PTPN4: variants seen among roughly 807,000 people sequenced by gnomAD.
PTPN4 encodes the protein protein tyrosine phosphatase non-receptor type 4.
A neutral mutation model predicts 135.5 loss-of-function variants in PTPN4; 49 were observed. That is an observed-to-expected ratio of 0.36 (90% CI 0.29 to 0.46). The LOEUF (loss-of-function observed/expected upper bound fraction) is 0.46, where lower values mean the gene tolerates loss of function less well. Among genes scored for constraint, PTPN4 ranks in the 20% least tolerant of loss-of-function variants. The pLI is 1.00. For synonymous variants in PTPN4, 333 were observed against 369.9 expected, an observed-to-expected ratio of 0.90 and a Z score of 1.14; for missense variants, 860 against 1,101.0, an observed-to-expected ratio of 0.78 and a Z score of 3.10.
intron 16 of PTPN4, among the ~76,000 whole-genome samples, chr2:119,945,728 C>T (rs1215181905): frequency 6.6e-6 from 1 of 151,994 alleles, no homozygotes; most frequent in Non-Finnish European, 1.5e-5. Context: ...TGTCAAGAGA[C>T]AGTAAGTAGA....
At position 119,845,231 on chromosome 2, in the gene PTPN4, GGGGAGA is replaced by G. The variant is rs1157744675; in HGVS notation, c.139-17295_139-17290del. Among the ~76,000 whole-genome samples the G allele has an allele frequency of 4.0e-3, 376 of 93,604 alleles. 5 individuals carry two copies. The highest frequency in any genetic ancestry group is 0.012 in the African/African-American group (282 of 23,108). The allele number at this position is 93,604 out of a possible 152,430, so 61.4% of individuals were successfully genotyped here. A position where few individuals can be genotyped will look rare whatever the true frequency, so the allele number is the denominator to read the frequency against. ...CGGCTCCGCATGAGAGGGAGACCGTGGGGAGAGGGAGAGGGGGAGGGGGAGGGGGAG... is the reference window on the plus strand; with the variant it reads ...CGGCTCCGCATGAGAGGGAGACCGTGGGGAGAGGGGGAGGGGGAGGGGGAG... On this transcript the variant is annotated intron_variant, in intron 2 of 26. Transcript: ENST00000263708.
chr2:119,847,763 G>A (rs190249338), intron 2 of PTPN4, among the ~76,000 whole-genome samples: 1 of 152,248 alleles, frequency 6.6e-6, no homozygotes, highest in East Asian at 1.9e-4. Context: ...AGGTGGATCT[G>A]CTGGCAACAA....
chr2:119,926,527 A>G, intron 12 of PTPN4, 71 bp from the exon 13 acceptor site: 1 of 1,030,760 alleles, frequency 9.7e-7, no homozygotes, highest in Non-Finnish European at 1.4e-6. Context: ...CACTATAATC[A>G]TGTTATGTGT....
intron 1 of PTPN4, among the ~76,000 whole-genome samples, chr2:119,786,258 C>T (rs758058806): frequency 6.6e-6 from 1 of 152,082 alleles, no homozygotes; most frequent in Non-Finnish European, 1.5e-5. Flanking sequence ...AATTATGACT[C>T]GTATTTTTTG....
chr2:119,865,822 A>G (rs1677826489), intron 3 of PTPN4, among the ~76,000 whole-genome samples: 1 of 152,098 alleles, frequency 6.6e-6, no homozygotes, highest in South Asian at 2.1e-4. Flanking sequence ...GTTGCCTTAG[A>G]CATTGAAATT....
Position 119,852,659 on chromosome 2 carries a change from TCCTGTATTC to T in PTPN4, c.139-9873_139-9865del, listed in dbSNP as rs1377329360. On this transcript the variant is annotated intron_variant, in intron 2 of 26. Coordinates refer to ENST00000263708, the MANE Select transcript of PTPN4 (RefSeq NM_002830.4). The stretch of plus-strand genomic sequence containing the variant: ...TTCAAATACTTAGATTTCTGCTCTT[TCCTGTATTC>T]CCTAATTTTGGTTTATTTTCTCTTT... 2.6e-5 allele frequency among the ~76,000 whole-genome samples: 4 copies of T among 152,192 alleles called. No homozygotes were observed. In the South Asian group the frequency reaches 8.3e-4, roughly 31 times the overall value.
chr2:119,763,842 G>A (rs1295270553), intron 1 of PTPN4, among the ~76,000 whole-genome samples: 1 of 152,154 alleles, frequency 6.6e-6, no homozygotes, highest in Non-Finnish European at 1.5e-5. Context: ...AGTAGCTATA[G>A]TATTGGAGAG....
intron 1 of PTPN4, among the ~76,000 whole-genome samples, chr2:119,799,011 C>G (rs994068634): frequency 6.6e-6 from 1 of 152,178 alleles, no homozygotes; most frequent in Non-Finnish European, 1.5e-5. Context: ...CGGCTTCTCT[C>G]TGATCCAGTA....
intron 9 of PTPN4, 89 bp downstream of exon 9, chr2:119,885,971 A>T: frequency 1.2e-6 from 1 of 867,938 alleles, no homozygotes; most frequent in Non-Finnish European, 1.7e-6. Flanking sequence ...AAATGGAATA[A>T]GTTATGATTG....
chr2:119,830,700 T>G (rs1677206784), intron 2 of PTPN4, among the ~76,000 whole-genome samples: 1 of 152,106 alleles, frequency 6.6e-6, no homozygotes, highest in Non-Finnish European at 1.5e-5. Flanking sequence ...GCTCCTGACC[T>G]CAAGTGAGCC....
intron 12 of PTPN4, among the ~76,000 whole-genome samples, 159 bp from the exon 13 acceptor site, chr2:119,926,439 A>G (rs1182831504): frequency 2.0e-5 from 3 of 152,230 alleles, no homozygotes; most frequent in Admixed American, 6.5e-5. Context: ...TCATCCAGGT[A>G]GAATTGGAAT....
Position 119,984,423 on chromosome 2 carries a change from C to CA in PTPN4, c.*7357dup, listed in dbSNP as rs1201564701. ...ATGTTTGATTCTATTAAACTAGTGG[C>CA]AAAACAGAATTGGTCCCTTAGTTTT... On this transcript the variant is annotated 3_prime_UTR_variant, in exon 27 of 27. Transcript: ENST00000263708. Among the ~76,000 whole-genome samples, 1 of 152,054 alleles carries CA rather than the reference C, an allele frequency of 6.6e-6. No individual in the cohort carries two copies. The highest frequency in any genetic ancestry group is 1.5e-5 in the Non-Finnish European group (1 of 67,994).
At chr2:119,792,286 G>C (rs1176808438) in intron 1 of PTPN4, among the ~76,000 whole-genome samples, 1 of 152,126 alleles carries the variant, frequency 6.6e-6, no homozygotes, top group Non-Finnish European at 1.5e-5. Flanking sequence ...TTAAAGATTA[G>C]TCATTTTGTG....
At position 119,981,467 on chromosome 2, in the gene PTPN4, C is replaced by A. The variant is rs972476863; in HGVS notation, c.*4397C>A. 1.8e-4 allele frequency: 27 copies of A among 152,074 alleles called. No individual in the cohort carries two copies. Among genetic ancestry groups the A allele is most frequent in the African/African-American group, 6.5e-4 (27 of 41,428 alleles). 9.4% of individuals were successfully genotyped at this position (152,074 alleles called of 1,614,324 possible). ...TTAATTTTATCAAATATCAGACTTA[C>A]TGATCTCTTGGCAGAGATTTATTGG... On this transcript the variant is annotated 3_prime_UTR_variant, in exon 27 of 27. Coordinates refer to ENST00000263708, the MANE Select transcript of PTPN4 (RefSeq NM_002830.4).
intron 10 of PTPN4, among the ~76,000 whole-genome samples, chr2:119,904,020 C>T (rs1051579343): frequency 2.4e-4 from 36 of 152,182 alleles, no homozygotes; most frequent in African/African-American, 8.2e-4. Flanking sequence ...AAGTTTGTTC[C>T]TATGACAGCC....
At chr2:119,822,592 C>T (rs1351478852) in intron 2 of PTPN4, among the ~76,000 whole-genome samples, 2 of 152,104 alleles carry the variant, frequency 1.3e-5, no homozygotes, top group African/African-American at 4.8e-5. Context: ...CTCCTCACCT[C>T]GTGATCCACC....
intron 1 of PTPN4, among the ~76,000 whole-genome samples, chr2:119,773,333 G>A (rs976692944): frequency 4.6e-5 from 7 of 152,002 alleles, no homozygotes; most frequent in Non-Finnish European, 1.0e-4. Context: ...CCACTTATAC[G>A]TGGATTTTTT....
At chr2:119,902,223 T>C (rs917594942) in intron 10 of PTPN4, among the ~76,000 whole-genome samples, 4 of 152,192 alleles carry the variant, frequency 2.6e-5, no homozygotes, top group African/African-American at 4.8e-5. Context: ...AAAAATATGT[T>C]GTATTTCTCT....
At chr2:119,932,309 ACT>A in intron 13 of PTPN4, 113 bp from the exon 14 acceptor site, 1 of 1,050,048 alleles carries the variant, frequency 9.5e-7, no homozygotes, top group Non-Finnish European at 1.3e-6. Flanking sequence ...TTACAAGTAA[ACT>A]CTTTATGTTG....
Sources: gnomAD v4.1 joint callset for allele counts (sites outside exome capture counted in the v4.1 genomes callset) on GRCh38, gnomAD v4.1.1 for gene constraint, MANE v1.5 for transcripts, NCBI Gene and HGNC (gene_info 2026-07-23, HGNC 2026-07-21) for gene names.